MCCC2: variants seen among roughly 807,000 people sequenced by gnomAD.
The protein encoded by MCCC2 is methylcrotonoyl-CoA carboxylase beta chain, mitochondrial.
In MCCC2, 52 loss-of-function variants were observed where a neutral mutation model predicts 77.2. The observed-to-expected ratio is 0.67, with a 90% confidence interval of 0.54 to 0.85. The LOEUF (loss-of-function observed/expected upper bound fraction) is 0.85, where lower values mean the gene tolerates loss of function less well. Ranked by LOEUF, MCCC2 falls within the 40% of genes least tolerant of loss-of-function variation. The pLI, the probability that MCCC2 is intolerant of heterozygous loss-of-function variation, is 0.00. For synonymous variants in MCCC2, 253 were observed against 248.4 expected, an observed-to-expected ratio of 1.02 and a Z score of -0.18; for missense variants, 682 against 703.2, an observed-to-expected ratio of 0.97 and a Z score of 0.34.
intron 6 of MCCC2, among the ~76,000 whole-genome samples, chr5:71,610,066 A>C (rs975486949): frequency 6.6e-6 from 1 of 152,246 alleles, no homozygotes; most frequent in South Asian, 2.1e-4. Flanking sequence ...AGAGGCAGGC[A>C]GGCCTCCTTG....
intron 6 of MCCC2, among the ~76,000 whole-genome samples, chr5:71,606,596 G>C: frequency 9.7e-6 from 1 of 103,096 alleles, no homozygotes; most frequent in Non-Finnish European, 2.0e-5. Flanking sequence ...GCCCTGGCCA[G>C]AACTTCCAAC....
At chr5:71,604,702 G>T (rs1159115800) in intron 6 of MCCC2, among the ~76,000 whole-genome samples, 1 of 151,642 alleles carries the variant, frequency 6.6e-6, no homozygotes, top group Non-Finnish European at 1.5e-5. Context: ...TCTAGCATTA[G>T]GTATATCTCC....
intron 7 of MCCC2, among the ~76,000 whole-genome samples, chr5:71,631,538 CT>C (rs544704315): frequency 0.019 from 2,426 of 128,222 alleles, 26 homozygotes; most frequent in African/African-American, 0.027. Context: ...GGTCTTTCTT[CT>C]TTTTTTTTTT....
intron 6 of MCCC2, among the ~76,000 whole-genome samples, chr5:71,607,747 A>G (rs2112343611): frequency 6.6e-6 from 1 of 150,856 alleles, no homozygotes; most frequent in South Asian, 2.1e-4. Flanking sequence ...CACTGTTTGA[A>G]TGCGTCCCAG....
At chr5:71,649,050 A>G in intron 13 of MCCC2, 47 bp from the exon 14 acceptor site, 1 of 1,607,640 alleles carries the variant, frequency 6.2e-7, no homozygotes, top group Non-Finnish European at 8.5e-7. Flanking sequence ...TGCGTTCCGC[A>G]TATTAATCCC....
At chr5:71,604,621 T>G (rs1745594015) in intron 6 of MCCC2, among the ~76,000 whole-genome samples, 153 bp downstream of exon 6, 1 of 151,994 alleles carries the variant, frequency 6.6e-6, no homozygotes, top group African/African-American at 2.4e-5. Flanking sequence ...AGGGTACATG[T>G]GCACATTGTG....
intron 6 of MCCC2, among the ~76,000 whole-genome samples, chr5:71,619,121 C>A (rs146421908): frequency 0.01 from 1,554 of 152,250 alleles, 21 homozygotes; most frequent in African/African-American, 0.035. Flanking sequence ...CTTTCTCCCC[C>A]CTACCTTACC....
At chr5:71,622,828 C>T (rs996881177) in intron 6 of MCCC2, among the ~76,000 whole-genome samples, 10 of 152,140 alleles carry the variant, frequency 6.6e-5, no homozygotes, top group African/African-American at 2.2e-4. Flanking sequence ...CATTTCAAGG[C>T]AGACGCGGTG....
intron 6 of MCCC2, among the ~76,000 whole-genome samples, chr5:71,617,618 A>G (rs943843299): frequency 4.6e-5 from 7 of 152,232 alleles, no homozygotes; most frequent in African/African-American, 1.7e-4. Flanking sequence ...ACTTTGGTTT[A>G]GACAGACTGA....
chr5:71,618,530 TTCCTTCCTTCCTTCCTTC>T (rs1244477728), intron 6 of MCCC2, among the ~76,000 whole-genome samples: 1,192 of 64,166 alleles, frequency 0.019, 28 homozygotes, highest in African/African-American at 0.05. Context: ...CCTTCCTTCC[TTCCTTCCTTCCTTCCTTC>T]CTTTCTTTCT....
chr5:71,648,521 G>C (rs994760628), intron 13 of MCCC2, among the ~76,000 whole-genome samples: 1 of 152,078 alleles, frequency 6.6e-6, no homozygotes, highest in Non-Finnish European at 1.5e-5. Flanking sequence ...AAGTTTCAAA[G>C]CATCACTTTA....
In MCCC2 at chr5:71,587,407, T is replaced by G; in HGVS notation, c.-19T>G. ...CTCCAGGCCAGCGTGGGCCGCTCTC[T>G]CGCTCGGTGCCCGCCGCCATGTGGG... is the stretch of plus-strand genomic sequence containing the variant. On this transcript the variant is annotated 5_prime_UTR_variant, in exon 1 of 17. Coordinates refer to ENST00000340941, the MANE Select transcript of MCCC2 (RefSeq NM_022132.5). 6.5e-7 allele frequency: 1 copy of G among 1,532,912 alleles called. No homozygotes were observed. The highest frequency in any genetic ancestry group is 1.4e-5 in the African/African-American group (1 of 72,944). The allele number at this position is 1,532,912 out of a possible 1,614,324, so 95.0% of individuals were successfully genotyped here.
In MCCC2 at chr5:71,641,036, A is replaced by T. The variant is rs1183111969; in HGVS notation, c.1033A>T (p.Thr345Ser). Residue 345 changes from threonine to serine, a missense_variant, in exon 11 of 17, where the codon ACT (threonine) becomes TCT (serine). Coordinates refer to ENST00000340941, the MANE Select transcript of MCCC2 (RefSeq NM_022132.5). ...TAGAATCGTGGATGGAAGCAGATTC[A>T]CTGAGTTCAAAGCCTTTTATGGAGA... The part of the protein sequence containing the change: ...IARIVDGSRF[T>S]EFKAFYGDTL... 6.2e-7 allele frequency: 1 copy of T among 1,613,986 alleles called. No individual in the cohort carries two copies. Among genetic ancestry groups the T allele is most frequent in the African/African-American group, 1.3e-5 (1 of 74,936 alleles).
intron 6 of MCCC2, among the ~76,000 whole-genome samples, chr5:71,605,758 A>C (rs1396604028): frequency 2.0e-5 from 3 of 152,038 alleles, no homozygotes; most frequent in African/African-American, 7.2e-5. Flanking sequence ...TTTTTGTATA[A>C]GGTGTAAGGA....
rs1397418888 is a variant in MCCC2 at position 71,646,249 on chromosome 5, TCC to T, written c.1189_1190del (p.Pro397SerfsTer14). On this transcript the variant is annotated frameshift_variant, in exon 13 of 17. Transcript: ENST00000340941. LOFTEE classifies it high-confidence loss of function. ...TCCAGTTATGCTGCCAAAGAAATAT[TCC>T]TCTGCTGTTCCTTCAAAACATTACT... Reference protein sequence around the residue: ...FVQLCCQRNIPLLFLQNITGF... With the variant: ...FVQLCCQRNIXLLFLQNITGF... 3 of 1,613,768 alleles carry T rather than the reference TCC, an allele frequency of 1.9e-6. No individual in the cohort carries two copies. The African/African-American group carries it at 4.0e-5, about 22-fold the overall frequency.
intron 8 of MCCC2, among the ~76,000 whole-genome samples, chr5:71,634,524 T>A (rs1746849678): frequency 6.6e-6 from 1 of 152,248 alleles, no homozygotes; most frequent in African/African-American, 2.4e-5. Context: ...CGTAACCAAC[T>A]ACATCATGAA....
At chr5:71,613,952 T>A (rs1182775900) in intron 6 of MCCC2, among the ~76,000 whole-genome samples, 1 of 150,822 alleles carries the variant, frequency 6.6e-6, no homozygotes, top group East Asian at 1.9e-4. Flanking sequence ...TTCCAAGAGG[T>A]TCATATTATA....
intron 15 of MCCC2, 46 bp downstream of exon 15, chr5:71,650,229 A>G (rs1259777125): frequency 9.1e-6 from 14 of 1,545,608 alleles, no homozygotes; most frequent in Admixed American, 1.7e-5. Context: ...GCCTCTCACC[A>G]TAAACACCCT....
chr5:71,623,673 G>A (rs1207320016), intron 6 of MCCC2, among the ~76,000 whole-genome samples: 3 of 152,150 alleles, frequency 2.0e-5, no homozygotes, highest in Non-Finnish European at 4.4e-5. Flanking sequence ...CAAGAGGAAG[G>A]AACTGCACAG....
Sources: gnomAD v4.1 joint callset for allele counts (sites outside exome capture counted in the v4.1 genomes callset) on GRCh38, gnomAD v4.1.1 for gene constraint, MANE v1.5 for transcripts, NCBI Gene and HGNC (gene_info 2026-07-23, HGNC 2026-07-21) for gene names.